MYPN: variants seen among roughly 807,000 people sequenced by gnomAD.
MYPN encodes myopalladin.
A neutral mutation model predicts 129.4 loss-of-function variants in MYPN; 63 were observed. That is an observed-to-expected ratio of 0.49 (90% confidence interval 0.40 to 0.60). The LOEUF (loss-of-function observed/expected upper bound fraction) is 0.60. Among genes scored for constraint, MYPN ranks in the 20% least tolerant of loss-of-function variants. The probability of loss-of-function intolerance (pLI) is 0.00; values close to 1 mark genes in which losing one functional copy is unlikely to be tolerated. For synonymous variants in MYPN, 629 were observed against 600.9 expected (o/e 1.05, Z -0.68); for missense variants, 1,596 against 1,635.4 (o/e 0.98, Z 0.42).
intron 10 of MYPN, among the ~76,000 whole-genome samples, chr10:68,169,632 A>G (rs1417994402): frequency 1.3e-5 from 2 of 152,032 alleles, no homozygotes; most frequent in East Asian, 3.9e-4. Context: ...CATCCCAAAC[A>G]CTGGCTTCTT....
At chr10:68,167,696 C>A (rs755433523) in intron 10 of MYPN, among the ~76,000 whole-genome samples, 2 of 152,174 alleles carry the variant, frequency 1.3e-5, no homozygotes, top group Non-Finnish European at 2.9e-5. Flanking sequence ...AGAAGCCATT[C>A]GTGTTTAGTT....
At chr10:68,143,138 T>G in intron 3 of MYPN, 23 bp downstream of exon 3, 1 of 1,605,522 alleles carries the variant, frequency 6.2e-7, no homozygotes, top group Non-Finnish European at 8.5e-7. Flanking sequence ...GCTCTTGGAG[T>G]ATGACACTTA....
chr10:68,108,657 C>A (rs2042041252), upstream of MYPN, among the ~76,000 whole-genome samples: 1 of 152,102 alleles, frequency 6.6e-6, no homozygotes, highest in African/African-American at 2.4e-5. Context: ...AATGTTATAG[C>A]ATCATTTAAT....
chr10:68,088,823 TAC>T (rs1441734072), intron 1 of MYPN, among the ~76,000 whole-genome samples: 4 of 152,212 alleles, frequency 2.6e-5, no homozygotes, highest in Admixed American at 6.5e-5. Context: ...TTAGAAAATT[TAC>T]AGAGTTGTGC....
rs2043256679 is a variant in MYPN, at chr10:68,178,109, TC to T, written c.2703+2649del. 2.0e-5 allele frequency among the ~76,000 whole-genome samples: 3 copies of T among 152,238 alleles called. No individual in the cohort carries two copies. The South Asian group carries it at 6.2e-4, about 31-fold the overall frequency. ...GTGTTTCTCTGTTGTGATAGTTCAG[TC>T]TTTGCCTTTTAACTCATCTTACGTA... On this transcript the variant is annotated intron_variant, in intron 12 of 19. Coordinates refer to ENST00000358913, the MANE Select transcript of MYPN (RefSeq NM_032578.4).
In MYPN at chr10:68,174,219, G is replaced by A; in HGVS notation, c.2127G>A (p.Gln709=). 6.2e-7 allele frequency: 1 copy of A among 1,614,054 alleles called. No homozygotes were observed. Among genetic ancestry groups the A allele is most frequent in the African/African-American group, 1.3e-5 (1 of 74,996 alleles). ...APPAVTTSSK[Q]VKAPSSQTFS... is the part of the protein sequence containing the mutation. ...CAGCGGTGACAACATCCAGTAAGCAGGTGAAGGCTCCTTCATCACAGACGT... is the reference window on the plus strand; with the variant it reads ...CAGCGGTGACAACATCCAGTAAGCAAGTGAAGGCTCCTTCATCACAGACGT... Residue 709 remains glutamine (Q), a synonymous_variant, in exon 11 of 20, where the codon CAG becomes CAA. Coordinates refer to ENST00000358913, the MANE Select transcript of MYPN (RefSeq NM_032578.4).
intron 10 of MYPN, among the ~76,000 whole-genome samples, chr10:68,169,083 T>C (rs2043100780): frequency 6.8e-6 from 1 of 146,034 alleles, no homozygotes; most frequent in Admixed American, 6.8e-5. Flanking sequence ...TGGTGGCTCA[T>C]GCCTGTAATC....
intron 6 of MYPN, among the ~76,000 whole-genome samples, chr10:68,152,388 T>C (rs1240620586): frequency 6.6e-6 from 1 of 151,932 alleles, no homozygotes; most frequent in Non-Finnish European, 1.5e-5. Context: ...ATTCAGATGG[T>C]AGGGGGCAGG....
intron 18 of MYPN, among the ~76,000 whole-genome samples, chr10:68,203,026 T>C (rs2043744528): frequency 6.6e-6 from 1 of 152,178 alleles, no homozygotes; most frequent in Non-Finnish European, 1.5e-5. Context: ...TAAATATGGT[T>C]TTATTGGGCA....
In MYPN at chr10:68,122,458, A is replaced by G. The variant is rs547370168; in HGVS notation, c.902+118A>G. Reference sequence around the variant, plus strand: ...ATTATATACTCCCTTTGAGAAAAGTAGTCGGTATCTAAAGCAGCTTGGTCC... The same window carrying G: ...ATTATATACTCCCTTTGAGAAAAGTGGTCGGTATCTAAAGCAGCTTGGTCC... On this transcript the variant is annotated intron_variant, in intron 2 of 19. Coordinates refer to ENST00000358913, the MANE Select transcript of MYPN (RefSeq NM_032578.4). The G allele has an allele frequency of 1.1e-5, 12 of 1,050,124 alleles. No homozygotes were observed. In the South Asian group the frequency reaches 1.6e-4, roughly 14 times the overall value. The allele number at this position is 1,050,124 out of a possible 1,614,324, so 65.1% of individuals were successfully genotyped here.
intron 1 of MYPN, among the ~76,000 whole-genome samples, chr10:68,095,243 G>C (rs914536012): frequency 6.6e-6 from 1 of 151,802 alleles, no homozygotes; most frequent in Non-Finnish European, 1.5e-5. Context: ...CCAGCTACTC[G>C]GGAGGCTGAG....
rs58151335 is a variant in MYPN at position 68,152,344 on chromosome 10, A to G, written c.1317+2233A>G. Among the ~76,000 whole-genome samples, 1,100 of 152,246 alleles carry G rather than the reference A, an allele frequency of 7.2e-3. 9 individuals are homozygous for G. Among genetic ancestry groups the G allele is most frequent in the African/African-American group, 0.025 (1,045 of 41,552 alleles). On this transcript the variant is annotated intron_variant, in intron 6 of 19. Coordinates refer to ENST00000358913, the MANE Select transcript of MYPN (RefSeq NM_032578.4). The stretch of plus-strand genomic sequence containing the variant: ...CATGACCTGAACTAGTTTTCAGGTT[A>G]GCTTCAGAATGCCCTTGCTGAGAGG...
intron 12 of MYPN, among the ~76,000 whole-genome samples, chr10:68,176,838 A>G (rs1040211165): frequency 6.6e-6 from 1 of 152,148 alleles, no homozygotes; most frequent in Non-Finnish European, 1.5e-5. Context: ...ATACTCTCAC[A>G]TTTTCCCTGA....
At chr10:68,141,016 T>C (rs1288724747) in intron 2 of MYPN, among the ~76,000 whole-genome samples, 1 of 150,364 alleles carries the variant, frequency 6.7e-6, no homozygotes, top group African/African-American at 2.5e-5. Flanking sequence ...GAGGCTGGAG[T>C]GAACCATGAT....
intron 12 of MYPN, among the ~76,000 whole-genome samples, chr10:68,184,793 C>T (rs1004794596): frequency 6.6e-6 from 1 of 152,112 alleles, no homozygotes; most frequent in African/African-American, 2.4e-5. Context: ...TTCTGACTTT[C>T]GGTGCCTGTG....
intron 12 of MYPN, among the ~76,000 whole-genome samples, chr10:68,183,139 T>C (rs954577026): frequency 5.3e-5 from 8 of 152,162 alleles, no homozygotes; most frequent in African/African-American, 1.9e-4. Flanking sequence ...AGTATAAGTA[T>C]AATCATAACT....
At chr10:68,095,782 T>C (rs1450305758) in intron 1 of MYPN, among the ~76,000 whole-genome samples, 1 of 152,182 alleles carries the variant, frequency 6.6e-6, no homozygotes, top group Non-Finnish European at 1.5e-5. Flanking sequence ...GGGGTTATTG[T>C]TTAATGGATA....
chr10:68,168,321 C>T (rs548588846), intron 10 of MYPN, among the ~76,000 whole-genome samples: 26 of 152,252 alleles, frequency 1.7e-4, no homozygotes, highest in African/African-American at 6.0e-4. Context: ...TTACAGGGAA[C>T]AGGTAACCCC....
intron 1 of MYPN, among the ~76,000 whole-genome samples, chr10:68,100,693 C>T (rs572116910): frequency 2.0e-5 from 3 of 152,236 alleles, no homozygotes; most frequent in East Asian, 1.9e-4. Flanking sequence ...CACCTGTGGA[C>T]GAACCCTTGG....
Sources: allele counts gnomAD v4.1 joint callset (sites outside exome capture counted in the v4.1 genomes callset), GRCh38; gene constraint gnomAD v4.1.1; transcripts MANE v1.5; gene names NCBI Gene and HGNC (gene_info 2026-07-23, HGNC 2026-07-21).